The following PRKG1 variants were observed in gnomAD, a reference collection of about 807,000 sequenced individuals.
PRKG1 encodes the protein protein kinase cGMP-dependent 1.
PRKG1 carries 35 observed loss-of-function variants against 88.1 expected under a neutral mutation model. That is an observed-to-expected ratio of 0.40 (90% CI 0.30 to 0.53). The LOEUF is 0.53. PRKG1 is among the 20% of genes least tolerant of loss of function. PRKG1 has a pLI of 0.59. For missense variants in PRKG1, 540 were observed against 839.8 expected (o/e 0.64, Z 4.41); for synonymous variants, 303 against 292.5 (o/e 1.04, Z -0.37).
intron 3 of PRKG1, among the ~76,000 whole-genome samples, chr10:51,509,535 T>G (rs1021626844): frequency 6.6e-6 from 1 of 152,188 alleles, no homozygotes; most frequent in African/African-American, 2.4e-5. Context: ...ATCTCTTTTC[T>G]TTTTTATTTT....
intron 3 of PRKG1, among the ~76,000 whole-genome samples, chr10:51,737,063 G>C (rs1229036372): frequency 1.3e-5 from 2 of 152,008 alleles, no homozygotes; most frequent in Non-Finnish European, 2.9e-5. Flanking sequence ...TTTACAAACA[G>C]GTATATTTGA....
intron 3 of PRKG1, among the ~76,000 whole-genome samples, chr10:51,792,834 A>T (rs1307881437): frequency 1.3e-5 from 2 of 152,152 alleles, no homozygotes; most frequent in Non-Finnish European, 2.9e-5. Context: ...ACTGTGCCTA[A>T]AAATTAGAGC....
intron 3 of PRKG1, among the ~76,000 whole-genome samples, chr10:51,649,883 G>C (rs931063295): frequency 6.6e-6 from 1 of 152,190 alleles, no homozygotes; most frequent in East Asian, 1.9e-4. Context: ...ACTAGAGGCT[G>C]AAATGAAGTT....
chr10:51,360,626 G>A (rs1460621415), intron 2 of PRKG1, among the ~76,000 whole-genome samples: 1 of 151,906 alleles, frequency 6.6e-6, no homozygotes, highest in Non-Finnish European at 1.5e-5. Flanking sequence ...TTTCTGAGCT[G>A]TAAAATTCCC....
At chr10:52,169,249 A>C (rs1838590135) in intron 9 of PRKG1, among the ~76,000 whole-genome samples, 1 of 152,244 alleles carries the variant, frequency 6.6e-6, no homozygotes, top group Admixed American at 6.5e-5. Context: ...CTATAACAAA[A>C]TACTGTAAAC....
At chr10:51,696,532 T>C (rs1420026277) in intron 3 of PRKG1, 1 of 152,076 alleles carries the variant, frequency 6.6e-6, no homozygotes, top group Non-Finnish European at 1.5e-5. Flanking sequence ...CAGACTTAAG[T>C]AGCCTGGTTG....
At chr10:51,280,529 T>C (rs1251344018) in intron 2 of PRKG1, among the ~76,000 whole-genome samples, 1 of 152,248 alleles carries the variant, frequency 6.6e-6, no homozygotes, top group African/African-American at 2.4e-5. Context: ...GGTTTGGTCT[T>C]TTCACATAGT....
At chr10:51,287,088 G>T (rs1417561748) in intron 2 of PRKG1, among the ~76,000 whole-genome samples, 1 of 152,118 alleles carries the variant, frequency 6.6e-6, no homozygotes, top group Non-Finnish European at 1.5e-5. Flanking sequence ...TGTTGCCCAG[G>T]CTGGTTTTGA....
chr10:51,478,205 T>C (rs1171308352), intron 3 of PRKG1, among the ~76,000 whole-genome samples: 2 of 152,110 alleles, frequency 1.3e-5, no homozygotes, highest in East Asian at 1.9e-4. Context: ...TACGAATAGA[T>C]GGCTATTGAG....
intron 4 of PRKG1, among the ~76,000 whole-genome samples, chr10:51,822,574 C>A (rs575932677): frequency 5.3e-5 from 8 of 152,134 alleles, no homozygotes; most frequent in African/African-American, 1.9e-4. Flanking sequence ...GGCATACACA[C>A]GTACCATGGG....
intron 2 of PRKG1, among the ~76,000 whole-genome samples, chr10:51,413,060 A>G (rs1253330550): frequency 6.6e-6 from 1 of 152,248 alleles, no homozygotes; most frequent in Admixed American, 6.5e-5. Context: ...TCTGATTCAG[A>G]TCACAGCAAA....
chr10:51,405,735 C>T (rs541794535), intron 2 of PRKG1, among the ~76,000 whole-genome samples: 2 of 152,072 alleles, frequency 1.3e-5, no homozygotes, highest in African/African-American at 2.4e-5. Context: ...AACCTTGCTC[C>T]CATAAAAGGT....
intron 3 of PRKG1, among the ~76,000 whole-genome samples, chr10:51,656,624 C>G (rs1840167078): frequency 6.6e-6 from 1 of 152,088 alleles, no homozygotes. Context: ...AACTCATGTT[C>G]ATTTGCCTAC....
chr10:51,572,688 G>A (rs1009222921), intron 3 of PRKG1, among the ~76,000 whole-genome samples: 2 of 151,622 alleles, frequency 1.3e-5, no homozygotes, highest in African/African-American at 4.8e-5. Context: ...ATCTTTTTTT[G>A]TTTGTTTGTT....
At chr10:51,783,225 G>A (rs1838641812) in intron 3 of PRKG1, among the ~76,000 whole-genome samples, 1 of 151,966 alleles carries the variant, frequency 6.6e-6, no homozygotes, top group East Asian at 1.9e-4. Flanking sequence ...ATAAGCTTTG[G>A]CATGAAATTA....
intron 9 of PRKG1, among the ~76,000 whole-genome samples, chr10:52,187,345 C>T (rs1340098213): frequency 6.6e-6 from 1 of 151,790 alleles, no homozygotes; most frequent in Non-Finnish European, 1.5e-5. Context: ...CATATAACCC[C>T]TGAGTTACAG....
rs556093475 is a variant in PRKG1, at chr10:52,125,378, G to A, written c.936-8462G>A. Among the ~76,000 whole-genome samples the A allele has an allele frequency of 1.8e-4, 28 of 152,230 alleles. No homozygotes were observed. In the South Asian group the frequency reaches 5.6e-3, roughly 30 times the overall value. ...TCTTAAGGACCCAAACTCCACCGTT[G>A]GGTCTTAATTTCTAATGTCCTTACA... On this transcript the variant is annotated intron_variant, in intron 7 of 17. Transcript: ENST00000373980.
chr10:51,143,657 T>C (rs1316452710), intron 1 of PRKG1, among the ~76,000 whole-genome samples: 1 of 152,108 alleles, frequency 6.6e-6, no homozygotes, highest in East Asian at 1.9e-4. Flanking sequence ...TTTTTGATAA[T>C]AGCCATTCTA....
At chr10:52,093,479 A>C (rs1847102253) in intron 7 of PRKG1, among the ~76,000 whole-genome samples, 1 of 151,950 alleles carries the variant, frequency 6.6e-6, no homozygotes, top group African/African-American at 2.4e-5. Flanking sequence ...GTGAAAGTAA[A>C]GAAAAAACAC....
Sources: gnomAD v4.1 joint callset for allele counts (sites outside exome capture counted in the v4.1 genomes callset) on GRCh38, gnomAD v4.1.1 for gene constraint, MANE v1.5 for transcripts, NCBI Gene and HGNC (gene_info 2026-07-23, HGNC 2026-07-21) for gene names.